The following PCDHB2 variants were observed in gnomAD, a reference collection of about 807,000 sequenced individuals.
The protein encoded by PCDHB2 is protocadherin beta-2.
For synonymous variants in PCDHB2, 395 were observed against 464.9 expected, an observed-to-expected ratio of 0.85 and a Z score of 1.93; for missense variants, 914 against 1,023.1, an observed-to-expected ratio of 0.89 and a Z score of 1.45.
Position 141,095,441 on chromosome 5 carries a change from A to G in PCDHB2, c.651A>G (p.Leu217=), listed in dbSNP as rs1751787887. The change falls in exon 1 of 1, where the codon CTA becomes CTG. Residue 217 remains leucine (L), a synonymous_variant. Coordinates refer to ENST00000194155, the MANE Select transcript of PCDHB2 (RefSeq NM_018936.4). ...QPEIRLTLTA[L]DGGSPPRSGT... ...AGATCAGGTTAACCCTCACAGCGCTAGATGGCGGGAGTCCACCCAGGTCCG... is the reference window on the plus strand; with the variant it reads ...AGATCAGGTTAACCCTCACAGCGCTGGATGGCGGGAGTCCACCCAGGTCCG... 9 of 1,614,176 alleles carry G rather than the reference A, an allele frequency of 5.6e-6. No individual in the cohort carries two copies. The highest frequency in any genetic ancestry group is 5.5e-5 in the South Asian group (5 of 91,080).
rs73269902 is a variant in PCDHB2, at chr5:141,094,964, A to G, written c.174A>G (p.Ile58Met). The G allele has an allele frequency of 9.2e-4, 1,477 of 1,613,988 alleles. 15 individuals are homozygous for G. The African/African-American group carries it at 0.015, about 17-fold the overall frequency. ...ANLLKDLGLE[I>M]GELAVRGARV... ...TGTTAAAAGACCTGGGGCTGGAGAT[A>G]GGAGAACTTGCTGTGAGGGGGGCCA... The change falls in exon 1 of 1, where the codon ATA (isoleucine) becomes ATG (methionine). Residue 58 changes from isoleucine (I) to methionine (M), a missense_variant. By Grantham distance (10) the Ile-to-Met change is conservative. Coordinates refer to ENST00000194155, the MANE Select transcript of PCDHB2 (RefSeq NM_018936.4).
In PCDHB2 at chr5:141,095,585, C is replaced by G. The variant is rs1465281986; in HGVS notation, c.795C>G (p.Ile265Met). The change falls in exon 1 of 1, where the codon ATC (isoleucine) becomes ATG (methionine). Residue 265 changes from isoleucine (I) to methionine (M), a missense_variant. Coordinates refer to ENST00000194155, the MANE Select transcript of PCDHB2 (RefSeq NM_018936.4). ...EDSPVGSQVA[I>M]VSARDLDIGT... is the part of the protein sequence containing the mutation. ...GCCCCGTTGGATCCCAGGTTGCCATCGTCTCTGCCAGGGATTTAGACATTG... is the reference window on the plus strand; with the variant it reads ...GCCCCGTTGGATCCCAGGTTGCCATGGTCTCTGCCAGGGATTTAGACATTG... The G allele has an allele frequency of 7.4e-6, 12 of 1,614,048 alleles. No individual in the cohort carries two copies. The Admixed American group carries it at 2.0e-4, about 27-fold the overall frequency.
Position 141,095,518 on chromosome 5 carries a change from A to G in PCDHB2, c.728A>G (p.Glu243Gly). The change falls in exon 1 of 1, where the codon GAG (glutamate) becomes GGG (glycine). Residue 243 changes from glutamate to glycine, a missense_variant. Physicochemically the swap from Glu to Gly is moderately conservative, Grantham distance 98 (BLOSUM62 -2). Coordinates refer to ENST00000194155, the MANE Select transcript of PCDHB2 (RefSeq NM_018936.4). ...GTGGACATCAATGACAACGTCCCAG[A>G]GTTTGCAAAGCTGCTCTATGAGGTG... ...EVVDINDNVP[E>G]FAKLLYEVQI... 1.2e-6 allele frequency: 2 copies of G among 1,614,032 alleles called. No individual in the cohort carries two copies. Among genetic ancestry groups the G allele is most frequent in the Non-Finnish European group, 1.7e-6 (2 of 1,179,968 alleles).
rs1751830153 is a variant in PCDHB2, at chr5:141,096,522, G to A, written c.1732G>A (p.Val578Met). The A allele has an allele frequency of 6.2e-7, 1 of 1,607,294 alleles. No homozygotes were observed. The highest frequency in any genetic ancestry group is 1.1e-5 in the South Asian group (1 of 90,788). Residue 578 changes from valine to methionine, a missense_variant, in exon 1 of 1, where the codon GTG becomes ATG. By Grantham distance (21) the Val-to-Met change is conservative. Coordinates refer to ENST00000194155, the MANE Select transcript of PCDHB2 (RefSeq NM_018936.4). ...CGGCTCCGCGCCCTGCACCGAGCTG[G>A]TGCCCCGGGCGGCCGAGCCGGGCTA... ...QNGSAPCTEL[V>M]PRAAEPGYLV...
In PCDHB2 at chr5:141,097,255, C is replaced by G; in HGVS notation, c.*68C>G. On this transcript the variant is annotated 3_prime_UTR_variant, in exon 1 of 1. Transcript: ENST00000194155. Reference sequence around the variant, plus strand: ...GGAAAGTCCTTTTTTACTGCTTTGCCCATTGGAGGTGTCTCCTTTTATTAG... The same window carrying G: ...GGAAAGTCCTTTTTTACTGCTTTGCGCATTGGAGGTGTCTCCTTTTATTAG... The G allele has an allele frequency of 2.7e-6, 4 of 1,478,976 alleles. No individual in the cohort carries two copies. In the South Asian group the frequency reaches 4.1e-5, roughly 15 times the overall value. 91.6% of individuals were successfully genotyped at this position (1,478,976 alleles called of 1,614,324 possible).
rs782360238 is a variant in PCDHB2 at position 141,096,551 on chromosome 5, G to A, written c.1761G>A (p.Leu587=). The stretch of plus-strand genomic sequence containing the variant: ...CCCGGGCGGCCGAGCCGGGCTACCT[G>A]GTGACCAAGGTGGTGGCGGTGGACG... ...LVPRAAEPGY[L]VTKVVAVDGD... is the part of the protein sequence containing the mutation. The change falls in exon 1 of 1, where the codon CTG becomes CTA. Residue 587 remains leucine (L), a synonymous_variant. Transcript: ENST00000194155. 234 of 1,606,714 alleles carry A rather than the reference G, an allele frequency of 1.5e-4. No individual in the cohort carries two copies. The highest frequency in any genetic ancestry group is 1.9e-4 in the Non-Finnish European group (219 of 1,178,064).
rs1751841461 is a variant in PCDHB2 at position 141,096,819 on chromosome 5, G to T, written c.2029G>T (p.Glu677Ter). 6.2e-7 allele frequency: 1 copy of T among 1,610,596 alleles called. No individual in the cohort carries two copies. Among genetic ancestry groups the T allele is most frequent in the Non-Finnish European group, 8.5e-7 (1 of 1,179,764 alleles). ...CTCCCAGCCCTACCTGCTGCTCCCG[G>T]AGGCGGCACCGGCCCAGGCCCAGGC... is the stretch of plus-strand genomic sequence containing the variant. ...GFSQPYLLLP[E>*]AAPAQAQADL... The change falls in exon 1 of 1, where the codon GAG becomes TAG. Residue 677 changes from glutamate (E) to a stop codon, truncating the protein, a stop_gained. Coordinates refer to ENST00000194155, the MANE Select transcript of PCDHB2 (RefSeq NM_018936.4). LOFTEE classifies it low-confidence loss of function (END_TRUNC).
chr5:141,097,122 G>T lies in PCDHB2; in HGVS notation c.2332G>T (p.Ala778Ser). Residue 778 changes from alanine (A) to serine (S), a missense_variant, in exon 1 of 1, where the codon GCT (alanine) becomes TCT (serine). Ala to Ser is a moderately conservative substitution (Grantham distance 99). Transcript: ENST00000194155. ...GAAGCCAATTATCCCCAACTTCGTT[G>T]CTCAGGGTGCAGAGAGGGTTAGCGA... is the stretch of plus-strand genomic sequence containing the variant. ...FLKPIIPNFV[A>S]QGAERVSEAN... 1 of 1,605,732 alleles carries T rather than the reference G, an allele frequency of 6.2e-7. No homozygotes were observed. The highest frequency in any genetic ancestry group is 8.5e-7 in the Non-Finnish European group (1 of 1,175,846).
chr5:141,098,637 A>G lies in PCDHB2; in HGVS notation c.*1450A>G, dbSNP rs1554271876. The G allele has an allele frequency of 6.6e-6, 1 of 152,198 alleles. No individual in the cohort carries two copies. Among genetic ancestry groups the G allele is most frequent in the East Asian group, 1.9e-4 (1 of 5,198 alleles). The allele number at this position is 152,198 out of a possible 1,614,324, so 9.4% of individuals were successfully genotyped here. On this transcript the variant is annotated 3_prime_UTR_variant, in exon 1 of 1. Coordinates refer to ENST00000194155, the MANE Select transcript of PCDHB2 (RefSeq NM_018936.4). The stretch of plus-strand genomic sequence containing the variant: ...TCTTAATAAAATTTTTGAATGATTG[A>G]AAGAGAGAAAAGTATTTTACCTGTG...
rs1554271721 is a variant in PCDHB2, at chr5:141,097,102, C to T, written c.2312C>T (p.Pro771Leu). The change falls in exon 1 of 1, where the codon CCA (proline) becomes CTA (leucine). Residue 771 changes from proline to leucine, a missense_variant. Transcript: ENST00000194155. ...ACAAATGAGTTCAAGTTCCTGAAGCCAATTATCCCCAACTTCGTTGCTCAG... is the reference window on the plus strand; with the variant it reads ...ACAAATGAGTTCAAGTTCCTGAAGCTAATTATCCCCAACTTCGTTGCTCAG... The part of the protein sequence containing the change: ...SGTNEFKFLK[P>L]IIPNFVAQGA... The T allele has an allele frequency of 6.2e-7, 1 of 1,608,912 alleles. No individual in the cohort carries two copies. Among genetic ancestry groups the T allele is most frequent in the South Asian group, 1.1e-5 (1 of 90,546 alleles).
In PCDHB2 at chr5:141,097,289, C is replaced by T; in HGVS notation, c.*102C>T. On this transcript the variant is annotated 3_prime_UTR_variant, in exon 1 of 1. Transcript: ENST00000194155. Reference sequence around the variant, plus strand: ...GTGTCTCCTTTTATTAGAAAGTAACCATCTTATTCCAATTCTATGCATGTT... The same window carrying T: ...GTGTCTCCTTTTATTAGAAAGTAACTATCTTATTCCAATTCTATGCATGTT... 1 of 1,279,902 alleles carries T rather than the reference C, an allele frequency of 7.8e-7. No individual in the cohort carries two copies. The highest frequency in any genetic ancestry group is 1.1e-6 in the Non-Finnish European group (1 of 925,734). 79.3% of individuals were successfully genotyped at this position (1,279,902 alleles called of 1,614,324 possible). A position where few individuals can be genotyped will look rare whatever the true frequency, so the allele number is the denominator to read the frequency against.
chr5:141,096,359 C>G lies in PCDHB2; in HGVS notation c.1569C>G (p.Tyr523Ter). Residue 523 changes from tyrosine to a stop codon, truncating the protein, a stop_gained, in exon 1 of 1, where the codon TAC becomes TAG. Transcript: ENST00000194155. LOFTEE classifies it low-confidence loss of function (END_TRUNC). ...GHLFALQSLD[Y>*]EALQAFEFRV... Reference sequence around the variant, plus strand: ...TGTTCGCTCTCCAGTCGCTGGACTACGAGGCCCTGCAGGCGTTCGAGTTCC... The same window carrying G: ...TGTTCGCTCTCCAGTCGCTGGACTAGGAGGCCCTGCAGGCGTTCGAGTTCC... 6.2e-7 allele frequency: 1 copy of G among 1,613,084 alleles called. No individual in the cohort carries two copies. Among genetic ancestry groups the G allele is most frequent in the Non-Finnish European group, 8.5e-7 (1 of 1,179,818 alleles).
At position 141,095,950 on chromosome 5, in the gene PCDHB2, T is replaced by C. The variant is rs139646206; in HGVS notation, c.1160T>C (p.Ile387Thr). 25 of 1,614,020 alleles carry C rather than the reference T, an allele frequency of 1.5e-5. No homozygotes were observed. Among genetic ancestry groups the C allele is most frequent in the Admixed American group, 1.2e-4 (7 of 59,994 alleles). ...SGDNGRMVCS[I>T]QDDLPFFLKP... ...GACAACGGAAGGATGGTGTGCTCCA[T>C]CCAAGATGATCTTCCTTTTTTCTTG... The change falls in exon 1 of 1, where the codon ATC becomes ACC. Residue 387 changes from isoleucine (I) to threonine (T), a missense_variant. Coordinates refer to ENST00000194155, the MANE Select transcript of PCDHB2 (RefSeq NM_018936.4).
rs782198267 is a variant in PCDHB2, at chr5:141,095,779, C to G, written c.989C>G (p.Ser330Cys). ...NIQATDGGGL[S>C]GTCVVFVQVM... ...CAGGCGACAGATGGTGGGGGCCTAT[C>G]TGGAACTTGTGTGGTATTTGTCCAA... Residue 330 changes from serine (S) to cysteine (C), a missense_variant, in exon 1 of 1, where the codon TCT becomes TGT. By Grantham distance (112) the Ser-to-Cys change is moderately radical. Transcript: ENST00000194155. The G allele has an allele frequency of 1.9e-6, 3 of 1,614,174 alleles. No homozygotes were observed. The highest frequency in any genetic ancestry group is 8.5e-7 in the Non-Finnish European group (1 of 1,180,022).
At position 141,096,491 on chromosome 5, in the gene PCDHB2, G is replaced by C; in HGVS notation, c.1701G>C (p.Leu567=). 1 of 1,610,118 alleles carries C rather than the reference G, an allele frequency of 6.2e-7. No homozygotes were observed. Among genetic ancestry groups the C allele is most frequent in the Non-Finnish European group, 8.5e-7 (1 of 1,178,912 alleles). Reference sequence around the variant, plus strand: ...ACTCGCCCTTCGTGCTGTACCCGCTGCAGAACGGCTCCGCGCCCTGCACCG... The same window carrying C: ...ACTCGCCCTTCGTGCTGTACCCGCTCCAGAACGGCTCCGCGCCCTGCACCG... The part of the protein sequence containing the change: ...NDNSPFVLYP[L]QNGSAPCTEL... Residue 567 remains leucine, a synonymous_variant, in exon 1 of 1, where the codon CTG becomes CTC. Transcript: ENST00000194155.
Position 141,095,888 on chromosome 5 carries a change from C to A in PCDHB2, c.1098C>A (p.Leu366=), listed in dbSNP as rs782225982. The A allele has an allele frequency of 8.7e-6, 14 of 1,613,908 alleles. No individual in the cohort carries two copies. The highest frequency in any genetic ancestry group is 6.8e-6 in the Non-Finnish European group (8 of 1,179,944). The change falls in exon 1 of 1, where the codon CTC becomes CTA. Residue 366 remains leucine, a synonymous_variant. Coordinates refer to ENST00000194155, the MANE Select transcript of PCDHB2 (RefSeq NM_018936.4). ...TCCCAGAAAACTTGCAGGACACCCTCATTGCTGTATTCAGCGTTTCAGATC... is the reference window on the plus strand; with the variant it reads ...TCCCAGAAAACTTGCAGGACACCCTAATTGCTGTATTCAGCGTTTCAGATC... ...NQIPENLQDT[L]IAVFSVSDPD... is the part of the protein sequence containing the mutation.
chr5:141,096,178 G>C lies in PCDHB2; in HGVS notation c.1388G>C (p.Arg463Pro), dbSNP rs1554271414. 1 of 1,613,196 alleles carries C rather than the reference G, an allele frequency of 6.2e-7. No individual in the cohort carries two copies. The highest frequency in any genetic ancestry group is 1.1e-5 in the South Asian group (1 of 91,026). Residue 463 changes from arginine (R) to proline (P), a missense_variant, in exon 1 of 1, where the codon CGC (arginine) becomes CCC (proline). Coordinates refer to ENST00000194155, the MANE Select transcript of PCDHB2 (RefSeq NM_018936.4). Reference sequence around the variant, plus strand: ...CAAACCTCCTACACCCTGTTCGTCCGCGAGAACAACAGCCCCGCCCTGCAC... The same window carrying C: ...CAAACCTCCTACACCCTGTTCGTCCCCGAGAACAACAGCCCCGCCCTGCAC... The part of the protein sequence containing the change: ...FTQTSYTLFV[R>P]ENNSPALHIG...
Position 141,096,789 on chromosome 5 carries a change from G to T in PCDHB2, c.1999G>T (p.Gly667Cys). ...TATLHVLLVD[G>C]FSQPYLLLPE... ...CACGCTGCACGTGCTCCTGGTGGAC[G>T]GCTTCTCCCAGCCCTACCTGCTGCT... The change falls in exon 1 of 1, where the codon GGC becomes TGC. Residue 667 changes from glycine to cysteine, a missense_variant. Gly to Cys is a radical substitution (Grantham distance 159). Coordinates refer to ENST00000194155, the MANE Select transcript of PCDHB2 (RefSeq NM_018936.4). 1 of 1,610,204 alleles carries T rather than the reference G, an allele frequency of 6.2e-7. No homozygotes were observed. The highest frequency in any genetic ancestry group is 1.1e-5 in the South Asian group (1 of 90,966).
In PCDHB2 at chr5:141,096,383, C is replaced by A. The variant is rs1554271492; in HGVS notation, c.1593C>A (p.Phe531Leu). ...ACGAGGCCCTGCAGGCGTTCGAGTT[C>A]CGCGTGGGCGCCGCAGACCGCGGCT... is the stretch of plus-strand genomic sequence containing the variant. The part of the protein sequence containing the change: ...LDYEALQAFE[F>L]RVGAADRGSP... The change falls in exon 1 of 1, where the codon TTC becomes TTA. Residue 531 changes from phenylalanine to leucine, a missense_variant. Coordinates refer to ENST00000194155, the MANE Select transcript of PCDHB2 (RefSeq NM_018936.4). 6.2e-7 allele frequency: 1 copy of A among 1,612,614 alleles called. No individual in the cohort carries two copies. The highest frequency in any genetic ancestry group is 2.2e-5 in the East Asian group (1 of 44,880).
Sources: gnomAD v4.1 joint callset for allele counts on GRCh38, gnomAD v4.1.1 for gene constraint, MANE v1.5 for transcripts, NCBI Gene and HGNC (gene_info 2026-07-23, HGNC 2026-07-21) for gene names.